ARAP1: variants seen among roughly 807,000 people sequenced by gnomAD.
The protein encoded by ARAP1 is ArfGAP with RhoGAP domain, ankyrin repeat and PH domain 1.
In ARAP1, 76 loss-of-function variants were observed where a neutral mutation model predicts 172.2. The observed-to-expected ratio is 0.44, with a 90% CI of 0.37 to 0.53. The LOEUF (loss-of-function observed/expected upper bound fraction) is 0.53, where lower values mean the gene tolerates loss of function less well. Ranked by LOEUF, ARAP1 falls within the 20% of genes least tolerant of loss-of-function variation. The pLI is 0.00. For synonymous variants in ARAP1, 804 were observed against 803.3 expected, an observed-to-expected ratio of 1.00 and a Z score of -0.01; for missense variants, 1,686 against 1,977.5, an observed-to-expected ratio of 0.85 and a Z score of 2.80.
In ARAP1 at chr11:72,704,312, C is replaced by A; in HGVS notation, c.1832G>T (p.Gly611Val). ...GGCTGCCCAGAAGCGGTTCCCAGCG[C>A]CATTCCCCAGCTGTAAGAAGAGCTG... Reference protein sequence around the residue: ...LIELFLQLGNGAGNRFWAANV... With the variant: ...LIELFLQLGNVAGNRFWAANV... The change falls in exon 14 of 35, where the codon GGC (glycine) becomes GTC (valine). Residue 611 changes from glycine to valine, a missense_variant. Physicochemically the swap from Gly to Val is moderately radical, Grantham distance 109 (BLOSUM62 -3). Coordinates refer to ENST00000393609, the MANE Select transcript of ARAP1 (RefSeq NM_001040118.3). 1 of 1,598,462 alleles carries A rather than the reference C, an allele frequency of 6.3e-7. No homozygotes were observed. Among genetic ancestry groups the A allele is most frequent in the Non-Finnish European group, 8.5e-7 (1 of 1,172,090 alleles).
Position 72,696,957 on chromosome 11 carries a change from GGCTGGGCACGGGCT to G in ARAP1, c.3166+12_3166+25del. On this transcript the variant is annotated intron_variant, in intron 22 of 34. Coordinates refer to ENST00000393609, the MANE Select transcript of ARAP1 (RefSeq NM_001040118.3). ...CGGAGGGATGGGTGGAGGAGGAGGA[GGCTGGGCACGGGCT>G]GCAGGGCCCACCTGAGGCCTCCAGC... The G allele has an allele frequency of 6.3e-7, 1 of 1,590,120 alleles. No individual in the cohort carries two copies. Among genetic ancestry groups the G allele is most frequent in the South Asian group, 1.1e-5 (1 of 90,118 alleles).
At chr11:72,715,571 T>TTC (rs563910513) in intron 3 of ARAP1, among the ~76,000 whole-genome samples, 2 of 34,092 alleles carry the variant, frequency 5.9e-5, no homozygotes, top group East Asian at 2.6e-3. Context: ...TTTTAACTTC[T>TTC]TTTTTTTTTT....
chr11:72,704,182 C>T lies in ARAP1; in HGVS notation c.1962G>A (p.Pro654=), dbSNP rs767631807. The T allele has an allele frequency of 4.3e-6, 7 of 1,614,128 alleles. No homozygotes were observed. The highest frequency in any genetic ancestry group is 2.7e-5 in the African/African-American group (2 of 75,072). The change falls in exon 14 of 35, where the codon CCG becomes CCA. Residue 654 remains proline (P), a synonymous_variant. Coordinates refer to ENST00000393609, the MANE Select transcript of ARAP1 (RefSeq NM_001040118.3). ...CCAGCTCCTCCTGGTTGCCAAAGAG[C>T]GGGTGGTAGCGGCGGTACTTGCCCT... is the stretch of plus-strand genomic sequence containing the variant. ...YREGKYRRYH[P]LFGNQEELDK...
At chr11:72,715,068 G>A (rs1234198245) in intron 3 of ARAP1, among the ~76,000 whole-genome samples, 2 of 152,234 alleles carry the variant, frequency 1.3e-5, no homozygotes. Flanking sequence ...TCTTCTGAAG[G>A]GCTGTGGCAT....
intron 34 of ARAP1, 98 bp downstream of exon 34, chr11:72,685,944 C>A (rs1235721778): frequency 6.2e-7 from 1 of 1,600,718 alleles, no homozygotes; most frequent in South Asian, 1.1e-5. Flanking sequence ...GGAGGGCAAT[C>A]GGGGAGGGCA....
chr11:72,728,117 C>T (rs1200062427), intron 2 of ARAP1, among the ~76,000 whole-genome samples: 4 of 152,228 alleles, frequency 2.6e-5, no homozygotes, highest in Non-Finnish European at 2.9e-5. Flanking sequence ...TTATTCCTCA[C>T]ATTGCTCTGA....
rs1194626885 is a variant in ARAP1 at position 72,696,609 on chromosome 11, A to G, written c.3212T>C (p.Leu1071Pro). Residue 1071 changes from leucine to proline, a missense_variant, in exon 23 of 35, where the codon CTG (leucine) becomes CCG (proline). This residue lies in a region of ARAP1 where 274 missense variants were observed against 262.7 expected (regional missense o/e 1.04). Coordinates refer to ENST00000393609, the MANE Select transcript of ARAP1 (RefSeq NM_001040118.3). The part of the protein sequence containing the change: ...EEKVSRYREL[L>P]VRLPPVNRAT... ...CCGGTTGACAGGGGGCAGCCGCACC[A>G]GCAGCTCTCGGTACCTGGAGACCTT... 1.2e-6 allele frequency: 2 copies of G among 1,606,526 alleles called. No homozygotes were observed. Among genetic ancestry groups the G allele is most frequent in the Admixed American group, 1.7e-5 (1 of 59,228 alleles).
chr11:72,717,024 G>A (rs1343296225), intron 3 of ARAP1, among the ~76,000 whole-genome samples: 1 of 152,160 alleles, frequency 6.6e-6, no homozygotes, highest in Non-Finnish European at 1.5e-5. Flanking sequence ...ATCTGACTTG[G>A]TACCCCCGCA....
intron 30 of ARAP1, among the ~76,000 whole-genome samples, chr11:72,691,159 G>A (rs1382571808): frequency 6.6e-6 from 1 of 152,210 alleles, no homozygotes; most frequent in Non-Finnish European, 1.5e-5. Context: ...ACTTATAGAT[G>A]GCCTTGGGCA....
chr11:72,707,110 C>T (rs1856804973), intron 12 of ARAP1, 65 bp downstream of exon 12: 1 of 1,452,398 alleles, frequency 6.9e-7, no homozygotes, highest in Non-Finnish European at 9.2e-7. Context: ...AGATAGGATA[C>T]CTGCCATCCC....
At chr11:72,748,063 T>G (rs1276969110) in intron 1 of ARAP1, among the ~76,000 whole-genome samples, 1 of 152,250 alleles carries the variant, frequency 6.6e-6, no homozygotes, top group African/African-American at 2.4e-5. Flanking sequence ...ACTTAACTTC[T>G]TGGGACCTCA....
chr11:72,746,884 C>A (rs769833116), intron 1 of ARAP1, among the ~76,000 whole-genome samples: 10 of 152,236 alleles, frequency 6.6e-5, no homozygotes, highest in Non-Finnish European at 1.3e-4. Context: ...TGACTCTGCA[C>A]CTGACTACAG....
rs376015230 is a variant in ARAP1, at chr11:72,688,475, C to T, written c.4050G>A (p.Lys1350=). 5 of 1,612,348 alleles carry T rather than the reference C, an allele frequency of 3.1e-6. No homozygotes were observed. The highest frequency in any genetic ancestry group is 2.7e-5 in the African/African-American group (2 of 74,878). Residue 1350 remains lysine, a synonymous_variant, in exon 31 of 35, where the codon AAG becomes AAA. Transcript: ENST00000393609. ...CTTACCAGGTGGGTGGCCTGAGTTT[C>T]TTCTTCACTCCCAGGTAGACTTTGA... is the stretch of plus-strand genomic sequence containing the variant. The part of the protein sequence containing the change: ...KSLKVYLGVK[K]KLRPPTCWGF...
Position 72,713,177 on chromosome 11 carries a change from T to C in ARAP1, c.746A>G (p.Lys249Arg), listed in dbSNP as rs770016188. 1 of 1,613,792 alleles carries C rather than the reference T, an allele frequency of 6.2e-7. No homozygotes were observed. Among genetic ancestry groups the C allele is most frequent in the Non-Finnish European group, 8.5e-7 (1 of 1,179,828 alleles). The stretch of plus-strand genomic sequence containing the variant: ...AGACAGTCCCATGCCTGGCCCCACC[T>C]TCTTGGTCATCACTCTGGCTGGGGC... ...PGAPARVMTK[K>R]EEPPPSRVPR... is the part of the protein sequence containing the mutation. Residue 249 changes from lysine (K) to arginine (R), a missense_variant and splice_region_variant, in exon 5 of 35, where the codon AAG becomes AGG. Lys to Arg is a conservative substitution (Grantham distance 26, BLOSUM62 2). Around this residue, in one of 5 missense-constraint regions of ARAP1, gnomAD observed 155 missense variants for 129.2 expected, o/e 1.20. Transcript: ENST00000393609.
chr11:72,737,330 T>A (rs753633944), intron 1 of ARAP1, among the ~76,000 whole-genome samples: 7 of 152,234 alleles, frequency 4.6e-5, no homozygotes, highest in Non-Finnish European at 7.3e-5. Flanking sequence ...TCTTCACGTC[T>A]GGCTTGAGTA....
chr11:72,730,043 T>C (rs768462688), intron 2 of ARAP1, among the ~76,000 whole-genome samples: 5 of 152,100 alleles, frequency 3.3e-5, no homozygotes, highest in Non-Finnish European at 5.9e-5. Context: ...CACTCTTGCA[T>C]GGTAAAAAGC....
rs1169503201 is a variant in ARAP1 at position 72,695,117 on chromosome 11, G to C, written c.3577-20C>G. 3 of 1,610,872 alleles carry C rather than the reference G, an allele frequency of 1.9e-6. No homozygotes were observed. The highest frequency in any genetic ancestry group is 1.1e-5 in the South Asian group (1 of 90,982). On this transcript the variant is annotated intron_variant, in intron 26 of 34. Transcript: ENST00000393609. This position sits in a 1 kb window ranked among gnomAD's most constrained non-coding sequence, Gnocchi z 4.4. ...TGGGACCTGCAAGGACCAAGGAGGA[G>C]ATTAGCCTGCCTGTGCCTAGCCCCT...
At position 72,715,361 on chromosome 11, in the gene ARAP1, G is replaced by A. The variant is rs953989330; in HGVS notation, c.510-1040C>T. ...AGGGGCCAAGGAGGAGAATCAGGGTGGATGGCTTATTTTTGGCCTTGTCTG... is the reference window on the plus strand; with the variant it reads ...AGGGGCCAAGGAGGAGAATCAGGGTAGATGGCTTATTTTTGGCCTTGTCTG... On this transcript the variant is annotated intron_variant, in intron 3 of 34. Coordinates refer to ENST00000393609, the MANE Select transcript of ARAP1 (RefSeq NM_001040118.3). Among the ~76,000 whole-genome samples, 3 of 72,260 alleles carry A rather than the reference G, an allele frequency of 4.2e-5. No homozygotes were observed. In the Admixed American group the frequency reaches 4.2e-4, roughly 10 times the overall value. 47.4% of individuals were successfully genotyped at this position (72,260 alleles called of 152,430 possible).
chr11:72,696,742 T>A, intron 22 of ARAP1, 88 bp from the exon 23 acceptor site: 1 of 1,143,900 alleles, frequency 8.7e-7, no homozygotes, highest in Non-Finnish European at 1.2e-6. Flanking sequence ...TCATGGTGGG[T>A]GACAGCAGTC....
Sources: allele counts gnomAD v4.1 joint callset (sites outside exome capture counted in the v4.1 genomes callset), GRCh38; gene constraint gnomAD v4.1.1; regional missense constraint gnomAD v4.1.1; non-coding constraint Gnocchi (gnomAD v3.1); transcripts MANE v1.5; gene names NCBI Gene and HGNC (gene_info 2026-07-23, HGNC 2026-07-21).